GABPB2: variants seen among roughly 807,000 people sequenced by gnomAD.
GABPB2 encodes GA-binding protein subunit beta-2.
A neutral mutation model predicts 39.1 loss-of-function variants in GABPB2; 23 were observed. The observed-to-expected ratio is 0.59, with a 90% CI of 0.42 to 0.83. The LOEUF (loss-of-function observed/expected upper bound fraction) is 0.83, where lower values mean the gene tolerates loss of function less well. Among genes scored for constraint, GABPB2 ranks in the 40% least tolerant of loss-of-function variants. GABPB2 has a pLI of 0.00. For synonymous variants in GABPB2, 184 were observed against 199.3 expected, an observed-to-expected ratio of 0.92 and a Z score of 0.65; for missense variants, 467 against 541.1, an observed-to-expected ratio of 0.86 and a Z score of 1.36.
chr1:151,109,281 T>G (rs1680196453), intron 7 of GABPB2, among the ~76,000 whole-genome samples: 1 of 148,832 alleles, frequency 6.7e-6, no homozygotes. Context: ...TGACTTGGCT[T>G]AAATGATTGT....
chr1:151,087,463 A>G (rs1339055570), intron 1 of GABPB2, among the ~76,000 whole-genome samples: 4 of 151,936 alleles, frequency 2.6e-5, no homozygotes, highest in South Asian at 2.1e-4. Flanking sequence ...CCTGGCCAAC[A>G]TGGTGAAACC....
intron 5 of GABPB2, among the ~76,000 whole-genome samples, chr1:151,099,097 A>G (rs1679325898): frequency 6.6e-6 from 1 of 151,880 alleles, no homozygotes; most frequent in Admixed American, 6.6e-5. Context: ...AAAAAAAAAA[A>G]AAAAGAAAGA....
intron 7 of GABPB2, among the ~76,000 whole-genome samples, chr1:151,111,751 G>A (rs977109292): frequency 2.0e-5 from 3 of 147,904 alleles, no homozygotes; most frequent in Non-Finnish European, 4.5e-5. Flanking sequence ...TTTCACCATG[G>A]TCTCGAACTC....
intron 1 of GABPB2, among the ~76,000 whole-genome samples, chr1:151,084,719 A>G (rs1033225769): frequency 2.0e-5 from 3 of 150,718 alleles, no homozygotes; most frequent in African/African-American, 7.3e-5. Flanking sequence ...TATCTTTAGT[A>G]GAGATGGGAT....
intron 1 of GABPB2, among the ~76,000 whole-genome samples, chr1:151,086,020 C>T (rs1349169889): frequency 6.6e-6 from 1 of 152,066 alleles, no homozygotes; most frequent in Non-Finnish European, 1.5e-5. Flanking sequence ...CAAGATGGGT[C>T]GATTGCTTGA....
intron 3 of GABPB2, among the ~76,000 whole-genome samples, chr1:151,091,022 A>C (rs1318076723): frequency 6.6e-6 from 1 of 151,212 alleles, no homozygotes; most frequent in Admixed American, 6.6e-5. Context: ...CAAAACAAAA[A>C]AACAAAAAAA....
intron 1 of GABPB2, among the ~76,000 whole-genome samples, chr1:151,080,903 C>A (rs1315534362): frequency 6.8e-6 from 1 of 147,282 alleles, no homozygotes; most frequent in Non-Finnish European, 1.5e-5. Flanking sequence ...GACGGAGTCT[C>A]GCTCTGTCCC....
At chr1:151,080,527 A>ATAAG (rs1185465978) in intron 1 of GABPB2, among the ~76,000 whole-genome samples, 4 of 149,864 alleles carry the variant, frequency 2.7e-5, no homozygotes, top group African/African-American at 7.4e-5. Context: ...AAATAAATAA[A>ATAAG]TAAATAAATA....
Position 151,090,478 on chromosome 1 carries a change from G to T in GABPB2, c.181G>T (p.Gly61Cys). 1 of 1,614,108 alleles carries T rather than the reference G, an allele frequency of 6.2e-7. No individual in the cohort carries two copies. The highest frequency in any genetic ancestry group is 1.6e-4 in the Middle Eastern group (1 of 6,062). ...YSTAEVLLRA[G>C]VSRDARTKVD... is the part of the protein sequence containing the mutation. ...CACAGCAGAAGTACTCCTTCGAGCA[G>T]GTGTTAGCAGGGATGCCCGGACTAA... Residue 61 changes from glycine (G) to cysteine (C), a missense_variant, in exon 3 of 9, where the codon GGT (glycine) becomes TGT (cysteine). Coordinates refer to ENST00000368918, the MANE Select transcript of GABPB2 (RefSeq NM_144618.3).
chr1:151,088,369 C>T (rs1410447295), intron 2 of GABPB2, 72 bp downstream of exon 2: 4 of 1,372,410 alleles, frequency 2.9e-6, no homozygotes, highest in African/African-American at 2.9e-5. Flanking sequence ...TAAAGGCTAA[C>T]AGACTATTGG....
intron 1 of GABPB2, among the ~76,000 whole-genome samples, chr1:151,077,086 G>C (rs1181563419): frequency 6.6e-6 from 1 of 151,962 alleles, no homozygotes; most frequent in Non-Finnish European, 1.5e-5. Flanking sequence ...CTGATTATTT[G>C]TATAAAGTGC....
rs1163946140 is a variant in GABPB2, at chr1:151,106,891, C to T, written c.737-146C>T. ...TTCTCCTCTGACTTAGCATTGTTCA[C>T]AAAACCTTTTGCGAACTGTTGAATC... On this transcript the variant is annotated intron_variant, in intron 6 of 8. Coordinates refer to ENST00000368918, the MANE Select transcript of GABPB2 (RefSeq NM_144618.3). 5.7e-6 allele frequency: 3 copies of T among 523,066 alleles called. No homozygotes were observed. In the African/African-American group the frequency reaches 5.8e-5, roughly 10 times the overall value. 32.4% of individuals were successfully genotyped at this position (523,066 alleles called of 1,614,324 possible).
chr1:151,097,254 G>A (rs1012491944), intron 4 of GABPB2, among the ~76,000 whole-genome samples: 6 of 152,044 alleles, frequency 3.9e-5, no homozygotes, highest in Admixed American at 2.6e-4. Flanking sequence ...GATTCATAGA[G>A]GTTGATTGAA....
chr1:151,105,445 ATACAAATGTATATATATTTGATATACATT>A (rs1679888091), intron 6 of GABPB2, among the ~76,000 whole-genome samples: 1 of 148,612 alleles, frequency 6.7e-6, no homozygotes, highest in African/African-American at 2.4e-5. Context: ...TCAAATATAT[ATACAAATGTATATATATTTGATATACATT>A]TAATATAAAC....
intron 1 of GABPB2, among the ~76,000 whole-genome samples, chr1:151,075,138 T>C (rs1677057883): frequency 6.6e-6 from 1 of 151,590 alleles, no homozygotes; most frequent in East Asian, 2.0e-4. Flanking sequence ...TGAGACAGTC[T>C]CAAAAAACAA....
rs2101507548 is a variant in GABPB2, at chr1:151,094,810, C to T, written c.471+1424C>T. On this transcript the variant is annotated intron_variant, in intron 4 of 8. Coordinates refer to ENST00000368918, the MANE Select transcript of GABPB2 (RefSeq NM_144618.3). Reference sequence around the variant, plus strand: ...TCACCTGAGGTCAGGAGTTCGAGACCAGCCTGGCCAATATGGTGAAATCCC... The same window carrying T: ...TCACCTGAGGTCAGGAGTTCGAGACTAGCCTGGCCAATATGGTGAAATCCC... Among the ~76,000 whole-genome samples the T allele has an allele frequency of 2.0e-5, 3 of 149,808 alleles. No individual in the cohort carries two copies. In the South Asian group the frequency reaches 6.3e-4, roughly 32 times the overall value.
intron 4 of GABPB2, among the ~76,000 whole-genome samples, chr1:151,093,807 G>C (rs1678897340): frequency 1.3e-5 from 2 of 151,836 alleles, no homozygotes; most frequent in Admixed American, 6.6e-5. Context: ...TTCATCAACT[G>C]ATGTGAGACA....
intron 1 of GABPB2, among the ~76,000 whole-genome samples, chr1:151,074,530 A>T (rs587647899): frequency 6.9e-6 from 1 of 144,820 alleles, no homozygotes; most frequent in Non-Finnish European, 1.5e-5. Context: ...CACGTTAGCC[A>T]GGATGGTCTC....
At chr1:151,087,436 C>G (rs1018902171) in intron 1 of GABPB2, among the ~76,000 whole-genome samples, 9 of 151,952 alleles carry the variant, frequency 5.9e-5, no homozygotes, top group Non-Finnish European at 1.5e-5. Context: ...CACTTGAGGT[C>G]AGGAGTTCAA....
Sources: gnomAD v4.1 joint callset for allele counts (sites outside exome capture counted in the v4.1 genomes callset) on GRCh38, gnomAD v4.1.1 for gene constraint, MANE v1.5 for transcripts, NCBI Gene and HGNC (gene_info 2026-07-23, HGNC 2026-07-21) for gene names.